Variants in LYPD6B observed in about 807,000 individuals in gnomAD.
LYPD6B encodes ly6/PLAUR domain-containing protein 6B.
A neutral mutation model predicts 22.8 loss-of-function variants in LYPD6B; 17 were observed. The ratio of observed to expected loss-of-function variants is 0.75; its 90% CI spans 0.51 to 1.12. The LOEUF (loss-of-function observed/expected upper bound fraction) is 1.12, where lower values mean the gene tolerates loss of function less well. Among genes scored for constraint, LYPD6B ranks in the 50% most tolerant of loss-of-function variants. LYPD6B has a pLI of 0.00. For synonymous variants in LYPD6B, 106 were observed against 91.6 expected (o/e 1.16, Z -0.90); for missense variants, 221 against 258.3 (o/e 0.86, Z 0.99).
intron 1 of LYPD6B, 70 bp from the exon 2 acceptor site, chr2:149,130,813 T>C (rs1042627110): frequency 4.0e-5 from 29 of 722,584 alleles, no homozygotes; most frequent in African/African-American, 3.4e-4. Flanking sequence ...CCCTACTTAC[T>C]TAAAATCCCT....
intron 2 of LYPD6B, among the ~76,000 whole-genome samples, chr2:149,137,422 T>C (rs1461780989): frequency 6.6e-6 from 1 of 152,228 alleles, no homozygotes; most frequent in Non-Finnish European, 1.5e-5. Flanking sequence ...TAAGAAAATA[T>C]GTGTCTCTGA....
At chr2:149,208,489 G>A (rs1693642872) in intron 5 of LYPD6B, 77 bp downstream of exon 5, 1 of 1,173,260 alleles carries the variant, frequency 8.5e-7, no homozygotes, top group African/African-American at 1.5e-5. Flanking sequence ...TGTTCTTTAG[G>A]AATCAGATGT....
intron 2 of LYPD6B, among the ~76,000 whole-genome samples, chr2:149,138,860 G>T (rs1337032694): frequency 6.6e-6 from 1 of 152,168 alleles, no homozygotes; most frequent in East Asian, 1.9e-4. Flanking sequence ...ATCAGCAGAG[G>T]ACTTTAAGAA....
intron 1 of LYPD6B, among the ~76,000 whole-genome samples, chr2:149,067,332 A>G (rs1684381723): frequency 6.6e-6 from 1 of 152,126 alleles, no homozygotes; most frequent in Non-Finnish European, 1.5e-5. Context: ...TATGATCCTT[A>G]ATAAATATTT....
chr2:149,039,723 ATT>A (rs2105235524), intron 1 of LYPD6B, among the ~76,000 whole-genome samples: 1 of 152,214 alleles, frequency 6.6e-6, no homozygotes, highest in Admixed American at 6.5e-5. Flanking sequence ...GGGTGGGGGC[ATT>A]CTTTCCCACC....
intron 1 of LYPD6B, among the ~76,000 whole-genome samples, chr2:149,049,829 A>G (rs566637078): frequency 6.6e-6 from 1 of 152,264 alleles, no homozygotes; most frequent in Admixed American, 6.5e-5. Context: ...AGCATCAGAT[A>G]TGTATGGAGT....
chr2:149,156,818 G>A (rs138192586), intron 2 of LYPD6B, among the ~76,000 whole-genome samples: 1 of 152,204 alleles, frequency 6.6e-6, no homozygotes, highest in East Asian at 1.9e-4. Flanking sequence ...ACAACAGAAG[G>A]GAATTGTCAT....
chr2:149,143,413 A>G (rs1359378913), intron 2 of LYPD6B, among the ~76,000 whole-genome samples: 1 of 150,782 alleles, frequency 6.6e-6, no homozygotes, highest in African/African-American at 2.4e-5. Flanking sequence ...TGGTCTTCCT[A>G]TGCTGAGGAT....
rs375094738 is a variant in LYPD6B at position 149,205,307 on chromosome 2, C to T, written c.132C>T (p.His44=). ...AHKVSMLLLC[H]ALAIAVVQIV... The stretch of plus-strand genomic sequence containing the variant: ...AGGTCAGCATGCTGCTCCTCTGTCA[C>T]GCTCTCGCTATAGCTGTTGTCCAGA... Residue 44 remains histidine (H), a synonymous_variant, in exon 4 of 7, where the codon CAC becomes CAT. Coordinates refer to ENST00000409642, the MANE Select transcript of LYPD6B (RefSeq NM_177964.5). 1.5e-5 allele frequency: 25 copies of T among 1,613,852 alleles called. No individual in the cohort carries two copies. Among genetic ancestry groups the T allele is most frequent in the Middle Eastern group, 3.3e-4 (2 of 6,084 alleles).
chr2:149,112,943 C>A (rs1686829137), intron 1 of LYPD6B, among the ~76,000 whole-genome samples: 1 of 151,838 alleles, frequency 6.6e-6, no homozygotes, highest in African/African-American at 2.4e-5. Context: ...ATAGAAACAC[C>A]AGGTGATATG....
chr2:149,209,911 C>T (rs951301071), intron 5 of LYPD6B, among the ~76,000 whole-genome samples: 1 of 145,008 alleles, frequency 6.9e-6, no homozygotes, highest in East Asian at 2.3e-4. Flanking sequence ...TTTATTTCTA[C>T]ATTTTCAACA....
At chr2:149,059,989 GT>G (rs1684000041) in intron 1 of LYPD6B, among the ~76,000 whole-genome samples, 1 of 152,082 alleles carries the variant, frequency 6.6e-6, no homozygotes, top group Admixed American at 6.6e-5. Context: ...GCTCAGCATG[GT>G]CGGAGCAGGC....
In LYPD6B at chr2:149,090,330, C is replaced by T. The variant is rs550595229; in HGVS notation, c.-66-40553C>T. 1.4e-4 allele frequency among the ~76,000 whole-genome samples: 22 copies of T among 152,152 alleles called. No homozygotes were observed. In the South Asian group the frequency reaches 1.5e-3, roughly 10 times the overall value. On this transcript the variant is annotated intron_variant, in intron 1 of 6. Coordinates refer to ENST00000409642, the MANE Select transcript of LYPD6B (RefSeq NM_177964.5). Reference sequence around the variant, plus strand: ...TGGACTGATTTTCCAAGAATGGTTCCGATATAATTTTCAACTGAACAGAGG... The same window carrying T: ...TGGACTGATTTTCCAAGAATGGTTCTGATATAATTTTCAACTGAACAGAGG...
chr2:149,137,987 T>A (rs985342668), intron 2 of LYPD6B, among the ~76,000 whole-genome samples: 1 of 152,180 alleles, frequency 6.6e-6, no homozygotes, highest in Non-Finnish European at 1.5e-5. Flanking sequence ...CTTTATAAAG[T>A]ATCATTAAAT....
chr2:149,062,048 G>A (rs1574895993), intron 1 of LYPD6B, among the ~76,000 whole-genome samples: 1 of 151,072 alleles, frequency 6.6e-6, no homozygotes, highest in South Asian at 2.1e-4. Context: ...CCAGCTCTGC[G>A]CCATCTCAGC....
At position 149,055,690 on chromosome 2, in the gene LYPD6B, G is replaced by A. The variant is rs544208386; in HGVS notation, c.-67+16889G>A. On this transcript the variant is annotated intron_variant, in intron 1 of 6. Transcript: ENST00000409642. The stretch of plus-strand genomic sequence containing the variant: ...TGGGGTTGTTCATTGGTAGTGCATA[G>A]GAATACAGTTAATTCTTGTGTTTCG... Among the ~76,000 whole-genome samples, 6 of 152,226 alleles carry A rather than the reference G, an allele frequency of 3.9e-5. No homozygotes were observed. In the East Asian group the frequency reaches 1.2e-3, roughly 29 times the overall value.
At chr2:149,181,333 T>C (rs531825406) in intron 3 of LYPD6B, among the ~76,000 whole-genome samples, 7 of 151,716 alleles carry the variant, frequency 4.6e-5, no homozygotes, top group African/African-American at 1.7e-4. Context: ...GCTTAATCCA[T>C]GTTAAGTTTG....
chr2:149,070,410 G>A (rs567701430), intron 1 of LYPD6B, among the ~76,000 whole-genome samples: 28 of 151,930 alleles, frequency 1.8e-4, no homozygotes, highest in Non-Finnish European at 3.4e-4. Context: ...TCTCTTTAGC[G>A]CTTATTAATA....
At chr2:149,050,484 A>G (rs1197897075) in intron 1 of LYPD6B, among the ~76,000 whole-genome samples, 1 of 152,218 alleles carries the variant, frequency 6.6e-6, no homozygotes, top group African/African-American at 2.4e-5. Flanking sequence ...CTATTTCACT[A>G]GGGTGAAAAA....
Sources: allele counts gnomAD v4.1 joint callset (sites outside exome capture counted in the v4.1 genomes callset), GRCh38; gene constraint gnomAD v4.1.1; transcripts MANE v1.5; gene names NCBI Gene and HGNC (gene_info 2026-07-23, HGNC 2026-07-21).